Variants in CLNK observed in about 807,000 individuals in gnomAD.
CLNK encodes cytokine-dependent hematopoietic cell linker.
CLNK carries 74 observed loss-of-function variants against 68.6 expected under a neutral mutation model. The ratio of observed to expected loss-of-function variants is 1.08; its 90% CI spans 0.89 to 1.31. The LOEUF is 1.31. Among genes scored for constraint, CLNK ranks in the 50% most tolerant of loss-of-function variants. The probability of loss-of-function intolerance (pLI) is 0.00; values close to 1 mark genes in which losing one functional copy is unlikely to be tolerated. For missense variants in CLNK, 553 were observed against 515.3 expected (o/e 1.07, Z -0.71); for synonymous variants, 198 against 172.2 (o/e 1.15, Z -1.17).
At chr4:10,657,414 T>G (rs1320930856) in intron 2 of CLNK, among the ~76,000 whole-genome samples, 1 of 152,230 alleles carries the variant, frequency 6.6e-6, no homozygotes, top group Non-Finnish European at 1.5e-5. Context: ...TCTAATATGT[T>G]TTATTGTTCT....
intron 2 of CLNK, among the ~76,000 whole-genome samples, chr4:10,609,061 C>T (rs1001491274): frequency 2.6e-5 from 4 of 152,198 alleles, no homozygotes; most frequent in African/African-American, 7.2e-5. Context: ...AGGACACAAA[C>T]ATTCAGTTCA....
At chr4:10,617,872 G>A (rs1339292612) in intron 2 of CLNK, among the ~76,000 whole-genome samples, 1 of 152,190 alleles carries the variant, frequency 6.6e-6, no homozygotes, top group Non-Finnish European at 1.5e-5. Flanking sequence ...ATCCTGGGCT[G>A]TAGGGAAAGA....
At chr4:10,570,263 A>G (rs1202446788) in intron 5 of CLNK, among the ~76,000 whole-genome samples, 2 of 152,114 alleles carry the variant, frequency 1.3e-5, no homozygotes, top group Non-Finnish European at 2.9e-5. Context: ...CCAACTTTCC[A>G]CCCAATACCT....
chr4:10,624,177 G>C (rs1410289559), intron 2 of CLNK, among the ~76,000 whole-genome samples: 1 of 152,210 alleles, frequency 6.6e-6, no homozygotes, highest in Non-Finnish European at 1.5e-5. Flanking sequence ...GCTGGAATAG[G>C]TAAGCACTAG....
At chr4:10,595,198 CAA>C (rs1560233700) in intron 3 of CLNK, among the ~76,000 whole-genome samples, 1 of 152,202 alleles carries the variant, frequency 6.6e-6, no homozygotes, top group Non-Finnish European at 1.5e-5. Context: ...GGGACTGTGA[CAA>C]AAAGATATAA....
intron 17 of CLNK, among the ~76,000 whole-genome samples, chr4:10,502,851 C>T (rs576512338): frequency 3.7e-4 from 56 of 152,026 alleles, no homozygotes; most frequent in African/African-American, 1.2e-3. Context: ...TGAAAGATGA[C>T]GGAAGACCAG....
chr4:10,695,797 T>A, the CLNK span, among the ~76,000 whole-genome samples: 1 of 151,922 alleles, frequency 6.6e-6, no homozygotes, highest in Non-Finnish European at 1.5e-5. Context: ...ATTACCCCTA[T>A]AGAGCATTCA....
At chr4:10,613,332 C>T (rs1722103135) in intron 2 of CLNK, among the ~76,000 whole-genome samples, 1 of 152,108 alleles carries the variant, frequency 6.6e-6, no homozygotes, top group Admixed American at 6.5e-5. Flanking sequence ...GGAAAAGGCA[C>T]TGGGCACATC....
intron 9 of CLNK, 80 bp from the exon 10 acceptor site, chr4:10,542,121 A>T: frequency 7.6e-7 from 1 of 1,320,486 alleles, no homozygotes; most frequent in Non-Finnish European, 1.1e-6. Context: ...TTGGTTTACA[A>T]ATAGAAATTA....
chr4:10,716,686 C>CTTTTTTTTTTT, the CLNK span, among the ~76,000 whole-genome samples: 2 of 132,942 alleles, frequency 1.5e-5, no homozygotes, highest in Admixed American at 8.0e-5. Context: ...AGACAGAAAA[C>CTTTTTTTTTTT]TTTTTTTTTT....
intron 1 of CLNK, among the ~76,000 whole-genome samples, chr4:10,669,150 T>A (rs1205170130): frequency 6.6e-6 from 1 of 152,196 alleles, no homozygotes; most frequent in Non-Finnish European, 1.5e-5. Flanking sequence ...CATTCACTCA[T>A]CCATCTGGGA....
chr4:10,542,572 A>G (rs547537807), intron 8 of CLNK, among the ~76,000 whole-genome samples: 2 of 152,000 alleles, frequency 1.3e-5, no homozygotes, highest in Non-Finnish European at 2.9e-5. Context: ...TTCATTGCAC[A>G]TCGTGTGACT....
chr4:10,504,096 T>C (rs1414143537), intron 17 of CLNK, among the ~76,000 whole-genome samples: 1 of 148,568 alleles, frequency 6.7e-6, no homozygotes. Context: ...GCAGGGTCTT[T>C]ACATAAACAT....
chr4:10,542,407 T>C, intron 8 of CLNK, 127 bp from the exon 9 acceptor site: 1 of 648,392 alleles, frequency 1.5e-6, no homozygotes, highest in South Asian at 2.0e-5. Flanking sequence ...TAATATTTGC[T>C]GAGATCATAT....
At chr4:10,541,896 A>G (rs142843555) in intron 10 of CLNK, 126 bp downstream of exon 10, 30 of 715,264 alleles carry the variant, frequency 4.2e-5, no homozygotes, top group Admixed American at 2.3e-4. Context: ...TTTTTTCCAC[A>G]TCCGTCTCTC....
chr4:10,499,532 G>A (rs769390087), intron 18 of CLNK, among the ~76,000 whole-genome samples: 10 of 152,178 alleles, frequency 6.6e-5, no homozygotes, highest in Non-Finnish European at 1.5e-4. Flanking sequence ...CCTGCGCATC[G>A]ATTTCACACG....
At chr4:10,718,128 G>A in the CLNK span, among the ~76,000 whole-genome samples, 51 of 152,202 alleles carry the variant, frequency 3.4e-4, no homozygotes, top group Non-Finnish European at 5.9e-4. Context: ...ACAGCAGAAC[G>A]GAAGAGTCAG....
chr4:10,618,145 G>C (rs899406977), intron 2 of CLNK, among the ~76,000 whole-genome samples: 1 of 152,160 alleles, frequency 6.6e-6, no homozygotes, highest in Non-Finnish European at 1.5e-5. Context: ...AAATTGGTGA[G>C]TAGATAGACA....
chr4:10,591,938 G>A (rs1434647150), intron 3 of CLNK, among the ~76,000 whole-genome samples: 2 of 152,152 alleles, frequency 1.3e-5, no homozygotes, highest in African/African-American at 4.8e-5. Context: ...TTCCCTGAAG[G>A]GGACCTGGGA....
Sources: gnomAD v4.1 joint callset for allele counts (sites outside exome capture counted in the v4.1 genomes callset) on GRCh38, gnomAD v4.1.1 for gene constraint, MANE v1.5 for transcripts, NCBI Gene and HGNC (gene_info 2026-07-23, HGNC 2026-07-21) for gene names.